The following PLAAT1 variants were observed in gnomAD, a reference collection of about 807,000 sequenced individuals.
The protein encoded by PLAAT1 is H-REV107 protein-related protein.
A neutral mutation model predicts 16.4 loss-of-function variants in PLAAT1; 13 were observed. The observed-to-expected ratio is 0.79, with a 90% CI of 0.52 to 1.26. The LOEUF (loss-of-function observed/expected upper bound fraction) is 1.26, where lower values mean the gene tolerates loss of function less well. Ranked by LOEUF, PLAAT1 falls within the 50% of genes most tolerant of loss-of-function variation. The pLI is 0.00. For synonymous variants in PLAAT1, 73 were observed against 78.4 expected, an observed-to-expected ratio of 0.93 and a Z score of 0.36; for missense variants, 218 against 207.8, an observed-to-expected ratio of 1.05 and a Z score of -0.30.
intron 1 of PLAAT1, among the ~76,000 whole-genome samples, chr3:193,255,448 A>C (rs376364911): frequency 1.3e-5 from 2 of 152,184 alleles, no homozygotes; most frequent in East Asian, 1.9e-4. Flanking sequence ...GTAATACAAG[A>C]CAAATTATTT....
At chr3:193,274,985 T>C, downstream of PLAAT1, 1 of 1,592,894 alleles carries the variant, frequency 6.3e-7, no homozygotes, top group Non-Finnish European at 8.6e-7. Context: ...TTCTCCACAA[T>C]GTGTTAATTT....
upstream of PLAAT1, chr3:193,241,179 C>A: frequency 8.2e-7 from 1 of 1,213,734 alleles, no homozygotes. Context: ...CTAGCCGGAG[C>A]GACTGTGCCC....
downstream of PLAAT1, chr3:193,281,234 G>T (rs943730964): frequency 1.1e-5 from 11 of 984,532 alleles, no homozygotes; most frequent in African/African-American, 1.6e-4. Context: ...AGAAGAGGAC[G>T]CCTGAAAGGT....
chr3:193,280,977 T>C (rs931701906), downstream of PLAAT1, among the ~76,000 whole-genome samples: 4 of 152,214 alleles, frequency 2.6e-5, no homozygotes, highest in African/African-American at 9.6e-5. Context: ...AACAGAGTTC[T>C]GTTTTCATCC....
chr3:193,255,462 T>C (rs1230454010), intron 1 of PLAAT1, among the ~76,000 whole-genome samples, 189 bp from the exon 2 acceptor site: 1 of 152,216 alleles, frequency 6.6e-6, no homozygotes, highest in African/African-American at 2.4e-5. Flanking sequence ...ATTATTTCTC[T>C]ACTTGTCCCC....
intron 1 of PLAAT1, among the ~76,000 whole-genome samples, chr3:193,249,733 C>T (rs1487188816): frequency 2.0e-5 from 3 of 151,826 alleles, no homozygotes; most frequent in East Asian, 1.9e-4. Context: ...ACCAATGACC[C>T]GTATTCAAGT....
chr3:193,270,696 A>C lies in PLAAT1; in HGVS notation c.498A>C (p.Lys166Asn), dbSNP rs757425454. The C allele has an allele frequency of 1.2e-6, 2 of 1,613,104 alleles. No homozygotes were observed. The highest frequency in any genetic ancestry group is 4.5e-5 in the East Asian group (2 of 44,856). Reference sequence around the variant, plus strand: ...TGTTTCCAAAAGGACAAAGAGCAAAATACTATTAACAATTTACCAAAGAGA... The same window carrying C: ...TGTTTCCAAAAGGACAAAGAGCAAACTACTATTAACAATTTACCAAAGAGA... Reference protein sequence around the residue: ...LGLFPKGQRAKYY With the variant: ...LGLFPKGQRANYY Residue 166 changes from lysine (K) to asparagine (N), a missense_variant, in exon 4 of 4, where the codon AAA (lysine) becomes AAC (asparagine). Physicochemically the swap from Lys to Asn is moderately conservative, Grantham distance 94 (BLOSUM62 0). Transcript: ENST00000264735.
At chr3:193,253,571 A>T (rs1313565415) in intron 1 of PLAAT1, among the ~76,000 whole-genome samples, 1 of 152,128 alleles carries the variant, frequency 6.6e-6, no homozygotes, top group Non-Finnish European at 1.5e-5. Flanking sequence ...TACTTGCAGC[A>T]GCTTTTTGAG....
At chr3:193,268,287 A>G (rs746083068) in intron 3 of PLAAT1, among the ~76,000 whole-genome samples, 3 of 152,204 alleles carry the variant, frequency 2.0e-5, no homozygotes, top group Non-Finnish European at 4.4e-5. Flanking sequence ...GCTTCGGTGC[A>G]TATGACTGCA....
At position 193,255,770 on chromosome 3, in the gene PLAAT1, T is replaced by A. The variant is rs1716351764; in HGVS notation, c.120T>A (p.Val40=). The change falls in exon 2 of 4, where the codon GTT becomes GTA. Residue 40 remains valine, a synonymous_variant. Transcript: ENST00000264735. ...CCCTGTACTTGGGTGATGGTTACGT[T>A]ATCAACATAGCACCTGTAGGTGAGG... The part of the protein sequence containing the change: ...HWALYLGDGY[V]INIAPVDGIP... 1 of 1,609,260 alleles carries A rather than the reference T, an allele frequency of 6.2e-7. No homozygotes were observed. Among genetic ancestry groups the A allele is most frequent in the Non-Finnish European group, 8.5e-7 (1 of 1,177,314 alleles).
At chr3:193,265,862 G>C (rs1264614457) in intron 3 of PLAAT1, among the ~76,000 whole-genome samples, 1 of 152,124 alleles carries the variant, frequency 6.6e-6, no homozygotes, top group East Asian at 1.9e-4. Context: ...AAAATTAGTG[G>C]TGTAGATAGG....
intron 1 of PLAAT1, among the ~76,000 whole-genome samples, chr3:193,247,503 T>C (rs902840235): frequency 3.1e-4 from 47 of 152,330 alleles, no homozygotes; most frequent in African/African-American, 1.1e-3. Flanking sequence ...GCTGAGAACA[T>C]TCCTTTTGCT....
At chr3:193,256,652 T>A (rs1716387563) in intron 2 of PLAAT1, among the ~76,000 whole-genome samples, 1 of 152,208 alleles carries the variant, frequency 6.6e-6, no homozygotes, top group African/African-American at 2.4e-5. Context: ...TTGATAAGAA[T>A]ATAGTGAAAT....
chr3:193,249,512 T>G (rs1716114291), intron 1 of PLAAT1, among the ~76,000 whole-genome samples: 1 of 152,140 alleles, frequency 6.6e-6, no homozygotes, highest in Admixed American at 6.5e-5. Context: ...CATTATATGT[T>G]GTTTTGCTTT....
At chr3:193,266,979 G>C (rs769579305) in intron 3 of PLAAT1, among the ~76,000 whole-genome samples, 3 of 150,576 alleles carry the variant, frequency 2.0e-5, no homozygotes, top group African/African-American at 7.4e-5. Flanking sequence ...CATAAAAAAG[G>C]TGAGAAGGGT....
chr3:193,251,946 T>C (rs1214622021), intron 1 of PLAAT1, among the ~76,000 whole-genome samples: 1 of 152,220 alleles, frequency 6.6e-6, no homozygotes, highest in Non-Finnish European at 1.5e-5. Flanking sequence ...ATTTTCCTAA[T>C]GACTAATGGC....
downstream of PLAAT1, among the ~76,000 whole-genome samples, chr3:193,280,257 A>G (rs1386355569): frequency 1.3e-5 from 2 of 151,920 alleles, no homozygotes; most frequent in Non-Finnish European, 2.9e-5. Flanking sequence ...GTTTCACCAT[A>G]TTGGCCAGGC....
At chr3:193,248,203 T>C (rs1160097276) in intron 1 of PLAAT1, among the ~76,000 whole-genome samples, 1 of 152,206 alleles carries the variant, frequency 6.6e-6, no homozygotes, top group Non-Finnish European at 1.5e-5. Flanking sequence ...CTATTTTGTC[T>C]GATAGAAGTA....
At chr3:193,277,277 G>GA in intron 2 of PLAAT1, among the ~76,000 whole-genome samples, 1 of 152,210 alleles carries the variant, frequency 6.6e-6, no homozygotes, top group Non-Finnish European at 1.5e-5. Context: ...TTTTGATTGA[G>GA]ACTAGATGCA....
Sources: gnomAD v4.1 joint callset for allele counts (sites outside exome capture counted in the v4.1 genomes callset) on GRCh38, gnomAD v4.1.1 for gene constraint, MANE v1.5 for transcripts, NCBI Gene and HGNC (gene_info 2026-07-23, HGNC 2026-07-21) for gene names.